Variants in KIAA1217 observed in about 807,000 individuals in gnomAD.
KIAA1217 encodes the protein sickle tail protein homolog.
KIAA1217 carries 88 observed loss-of-function variants against 163.9 expected under a neutral mutation model. The ratio of observed to expected loss-of-function variants is 0.54; its 90% CI spans 0.45 to 0.64. The LOEUF (loss-of-function observed/expected upper bound fraction) is 0.64. Among genes scored for constraint, KIAA1217 ranks in the 30% least tolerant of loss-of-function variants. KIAA1217 has a pLI of 0.00. For missense variants in KIAA1217, 2,372 were observed against 2,475.0 expected, an observed-to-expected ratio of 0.96 and a Z score of 0.88; for synonymous variants, 903 against 923.1, an observed-to-expected ratio of 0.98 and a Z score of 0.39.
intron 2 of KIAA1217, among the ~76,000 whole-genome samples, chr10:24,177,280 T>TATAC (rs1314627227): frequency 5.5e-5 from 6 of 108,834 alleles, no homozygotes; most frequent in African/African-American, 1.9e-4. Flanking sequence ...TATATATATA[T>TATAC]ATATATATAT....
At chr10:24,443,953 T>C (rs1221612189) in intron 5 of KIAA1217, among the ~76,000 whole-genome samples, 1 of 152,092 alleles carries the variant, frequency 6.6e-6, no homozygotes, top group Admixed American at 6.5e-5. Flanking sequence ...CCTTTTATTG[T>C]TTTCTCTACT....
intron 2 of KIAA1217, among the ~76,000 whole-genome samples, chr10:24,230,872 T>C (rs1246864544): frequency 6.6e-6 from 1 of 152,162 alleles, no homozygotes. Context: ...ACAAAGCAGT[T>C]CAGGCTTGTC....
intron 1 of KIAA1217, among the ~76,000 whole-genome samples, chr10:23,971,409 A>G (rs1274200948): frequency 1.3e-5 from 2 of 152,128 alleles, no homozygotes; most frequent in African/African-American, 4.8e-5. Context: ...GCAACAAATT[A>G]TTACTTTAGA....
intron 1 of KIAA1217, among the ~76,000 whole-genome samples, chr10:23,752,383 A>T (rs968838842): frequency 6.6e-6 from 1 of 152,206 alleles, no homozygotes; most frequent in Non-Finnish European, 1.5e-5. Flanking sequence ...GTCATTGAAC[A>T]AATTATTTGT....
chr10:24,521,956 G>T (rs1170877281), intron 12 of KIAA1217, 27 bp downstream of exon 12: 10 of 1,594,858 alleles, frequency 6.3e-6, no homozygotes, highest in Non-Finnish European at 8.5e-6. Context: ...CGTGCTGGGG[G>T]TGGCCTGCGG....
At chr10:24,348,988 A>G (rs1232457097) in intron 2 of KIAA1217, among the ~76,000 whole-genome samples, 1 of 152,070 alleles carries the variant, frequency 6.6e-6, no homozygotes, top group Non-Finnish European at 1.5e-5. Flanking sequence ...TTTTTCTACA[A>G]AGAAATTTAA....
intron 2 of KIAA1217, among the ~76,000 whole-genome samples, chr10:24,078,577 C>T (rs1201559717): frequency 6.6e-6 from 1 of 152,178 alleles, no homozygotes; most frequent in Admixed American, 6.5e-5. Context: ...TCTCTCCAAG[C>T]AGCTGTGTGA....
At chr10:23,830,216 T>C (rs972152487) in intron 1 of KIAA1217, among the ~76,000 whole-genome samples, 1 of 152,174 alleles carries the variant, frequency 6.6e-6, no homozygotes, top group Non-Finnish European at 1.5e-5. Flanking sequence ...TTTTGCTCCC[T>C]TAAAAAGAAG....
intron 1 of KIAA1217, among the ~76,000 whole-genome samples, chr10:23,841,746 T>C (rs540234944): frequency 1.3e-5 from 2 of 152,162 alleles, no homozygotes; most frequent in Non-Finnish European, 2.9e-5. Flanking sequence ...ATTATTATAA[T>C]GTTGAGGTGT....
At chr10:23,755,126 G>T (rs906830785) in intron 1 of KIAA1217, among the ~76,000 whole-genome samples, 3 of 152,118 alleles carry the variant, frequency 2.0e-5, no homozygotes, top group African/African-American at 7.2e-5. Context: ...CACGGCGGAC[G>T]CTTCCAAGCC....
intron 9 of KIAA1217, among the ~76,000 whole-genome samples, chr10:24,508,926 G>C (rs1195015253): frequency 6.6e-6 from 1 of 152,148 alleles, no homozygotes; most frequent in Non-Finnish European, 1.5e-5. Flanking sequence ...AGGTCTCAAA[G>C]GAATTTTTTA....
In KIAA1217 at chr10:24,255,409, G is replaced by A. The variant is rs577184882; in HGVS notation, c.354+35500G>A. 1.1e-4 allele frequency: 42 copies of A among 367,226 alleles called. No homozygotes were observed. The East Asian group carries it at 1.8e-3, about 15-fold the overall frequency. 22.7% of individuals were successfully genotyped at this position (367,226 alleles called of 1,614,324 possible). On this transcript the variant is annotated intron_variant, in intron 2 of 20. Coordinates refer to ENST00000376454, the MANE Select transcript of KIAA1217 (RefSeq NM_019590.5). ...AGAATGGACGAGCTGGTTGTGGAGC[G>A]GGCGGGTCCCGCCACCCGTGGGCTC...
At chr10:24,484,239 A>ATTTTTTTTTTTTTTTTTT (rs1554896420) in intron 6 of KIAA1217, among the ~76,000 whole-genome samples, 1 of 86,198 alleles carries the variant, frequency 1.2e-5, no homozygotes, top group Non-Finnish European at 2.3e-5. Flanking sequence ...ATATATATAT[A>ATTTTTTTTTTTTTTTTTT]TATTTTTTTT....
At chr10:23,952,801 C>T (rs1351042723) in intron 1 of KIAA1217, among the ~76,000 whole-genome samples, 1 of 152,164 alleles carries the variant, frequency 6.6e-6, no homozygotes, top group Non-Finnish European at 1.5e-5. Context: ...ATTGCTATTA[C>T]TACCCATGGA....
intron 2 of KIAA1217, among the ~76,000 whole-genome samples, chr10:24,101,391 A>T (rs564084374): frequency 6.6e-6 from 1 of 152,208 alleles, no homozygotes; most frequent in Admixed American, 6.5e-5. Flanking sequence ...AAAGTTCTAA[A>T]ATTTGTTTTT....
At chr10:24,387,718 A>C (rs918357403) in intron 3 of KIAA1217, among the ~76,000 whole-genome samples, 1 of 152,200 alleles carries the variant, frequency 6.6e-6, no homozygotes, top group Non-Finnish European at 1.5e-5. Context: ...TCAGGATACA[A>C]AATCAATGTG....
chr10:24,520,364 A>G lies in KIAA1217; in HGVS notation c.2308+111A>G, dbSNP rs112065827. ...GTATGCAAGTATTTATTAAACGTCT[A>G]CATGTGCCAGGCATTGTTCTGGACA... On this transcript the variant is annotated intron_variant, in intron 11 of 20. Transcript: ENST00000376454. The G allele has an allele frequency of 2.2e-5, 32 of 1,437,378 alleles. No individual in the cohort carries two copies. In the Middle Eastern group the frequency reaches 8.0e-4, roughly 36 times the overall value. 89.0% of individuals were successfully genotyped at this position (1,437,378 alleles called of 1,614,324 possible).
rs564445274 is a variant in KIAA1217, at chr10:24,286,455, T to TAC, written c.354+66562_354+66563dup. ...ACACACACACACGCATATATATATA[T>TAC]ACACACACACACACACATACACATA... is the stretch of plus-strand genomic sequence containing the variant. On this transcript the variant is annotated intron_variant, in intron 2 of 20. Transcript: ENST00000376454. Among the ~76,000 whole-genome samples, 1,438 of 150,246 alleles carry TAC rather than the reference T, an allele frequency of 9.6e-3. 12 individuals carry two copies. Among genetic ancestry groups the TAC allele is most frequent in the Non-Finnish European group, 0.013 (894 of 67,364 alleles).
chr10:24,147,006 TAAAAAAAAAAAAA>T (rs755857019), intron 2 of KIAA1217, among the ~76,000 whole-genome samples: 1 of 110,726 alleles, frequency 9.0e-6, no homozygotes, highest in African/African-American at 3.3e-5. Context: ...TTTGTTTTGT[TAAAAAAAAAAAAA>T]AAAAAAAAAA....
Sources: allele counts gnomAD v4.1 joint callset (sites outside exome capture counted in the v4.1 genomes callset), GRCh38; gene constraint gnomAD v4.1.1; transcripts MANE v1.5; gene names NCBI Gene and HGNC (gene_info 2026-07-23, HGNC 2026-07-21).